The following PTPRD variants were observed in gnomAD, a reference collection of about 807,000 sequenced individuals.
PTPRD encodes protein tyrosine phosphatase receptor type D, also known as receptor-type tyrosine-protein phosphatase delta.
In PTPRD, 34 loss-of-function variants were observed where a neutral mutation model predicts 214.5. The observed-to-expected ratio is 0.16, with a 90% CI of 0.12 to 0.21. The LOEUF (loss-of-function observed/expected upper bound fraction) is 0.21. Among genes scored for constraint, PTPRD ranks in the 10% least tolerant of loss-of-function variants. PTPRD has a pLI of 1.00. For synonymous variants in PTPRD, 1,128 were observed against 845.7 expected, an observed-to-expected ratio of 1.33 and a Z score of -5.79; for missense variants, 2,545 against 2,398.7, an observed-to-expected ratio of 1.06 and a Z score of -1.27.
chr9:9,237,078 A>C (rs1181149022), intron 9 of PTPRD, among the ~76,000 whole-genome samples: 2 of 152,206 alleles, frequency 1.3e-5, no homozygotes, highest in South Asian at 4.1e-4. Flanking sequence ...CTCAGAAGGA[A>C]AAAGAAACAA....
intron 9 of PTPRD, among the ~76,000 whole-genome samples, chr9:9,393,228 G>A (rs1289668733): frequency 1.3e-5 from 2 of 151,924 alleles, no homozygotes; most frequent in Non-Finnish European, 2.9e-5. Context: ...ATGCCTCCAG[G>A]TATGCGTATA....
chr9:10,263,478 C>A (rs1340707622), intron 3 of PTPRD, among the ~76,000 whole-genome samples: 1 of 152,048 alleles, frequency 6.6e-6, no homozygotes, highest in Admixed American at 6.6e-5. Flanking sequence ...AGATGAGGAA[C>A]TTGTTGGGAA....
intron 3 of PTPRD, among the ~76,000 whole-genome samples, chr9:10,134,111 C>G (rs1294147341): frequency 6.6e-6 from 1 of 152,064 alleles, no homozygotes; most frequent in Non-Finnish European, 1.5e-5. Context: ...GCAACACTAC[C>G]CTGCCCAGAG....
At chr9:9,471,563 A>C (rs2094587373) in intron 8 of PTPRD, among the ~76,000 whole-genome samples, 1 of 152,152 alleles carries the variant, frequency 6.6e-6, no homozygotes, top group South Asian at 2.1e-4. Context: ...TAAAATAGAA[A>C]TGTCAAAATT....
chr9:9,324,122 C>T (rs1172436390), intron 9 of PTPRD, among the ~76,000 whole-genome samples: 1 of 152,132 alleles, frequency 6.6e-6, no homozygotes, highest in African/African-American at 2.4e-5. Flanking sequence ...CAAGTCTTTG[C>T]TATTGTGAAT....
intron 7 of PTPRD, among the ~76,000 whole-genome samples, chr9:9,700,333 T>A (rs1384909646): frequency 6.6e-6 from 1 of 152,114 alleles, no homozygotes; most frequent in Non-Finnish European, 1.5e-5. Context: ...GAGAAATAAG[T>A]ATTTTGAGTG....
At chr9:9,486,067 C>T (rs941681711) in intron 8 of PTPRD, among the ~76,000 whole-genome samples, 1 of 136,866 alleles carries the variant, frequency 7.3e-6, no homozygotes, top group African/African-American at 2.7e-5. Flanking sequence ...AGGAGAATAG[C>T]TTGAATCCAG....
chr9:9,770,253 CAT>C (rs1239897386), intron 5 of PTPRD, among the ~76,000 whole-genome samples: 4 of 152,210 alleles, frequency 2.6e-5, no homozygotes, highest in Admixed American at 2.0e-4. Context: ...TATTTCTCCA[CAT>C]ACTTTCCAGA....
chr9:9,926,617 AG>A (rs2084403421), intron 5 of PTPRD, among the ~76,000 whole-genome samples: 1 of 152,216 alleles, frequency 6.6e-6, no homozygotes, highest in Non-Finnish European at 1.5e-5. Flanking sequence ...GAGAAAGGGT[AG>A]AAATAAAAAT....
At chr9:9,664,781 G>A (rs1016321390) in intron 7 of PTPRD, among the ~76,000 whole-genome samples, 1 of 151,612 alleles carries the variant, frequency 6.6e-6, no homozygotes, top group Non-Finnish European at 1.5e-5. Context: ...CAGTGAATGA[G>A]TACTTTCTAC....
At chr9:9,132,999 T>C (rs2099845163) in intron 10 of PTPRD, among the ~76,000 whole-genome samples, 1 of 152,222 alleles carries the variant, frequency 6.6e-6, no homozygotes, top group Non-Finnish European at 1.5e-5. Flanking sequence ...TCTTTTTTCA[T>C]TTTTTAAGTT....
intron 7 of PTPRD, among the ~76,000 whole-genome samples, chr9:9,635,820 G>A (rs1202125510): frequency 2.0e-5 from 3 of 152,064 alleles, no homozygotes; most frequent in African/African-American, 4.8e-5. Flanking sequence ...CTAAATAAAT[G>A]TCATATCAAT....
At chr9:10,275,280 T>G (rs1436798821) in intron 3 of PTPRD, among the ~76,000 whole-genome samples, 1 of 152,172 alleles carries the variant, frequency 6.6e-6, no homozygotes, top group African/African-American at 2.4e-5. Context: ...ACTTGTTCTT[T>G]TCTTATTTAT....
chr9:8,930,540 G>A (rs564114093), intron 11 of PTPRD, among the ~76,000 whole-genome samples: 369 of 152,204 alleles, frequency 2.4e-3, no homozygotes, highest in South Asian at 0.013. Context: ...TCGCCACACT[G>A]TCTTCCACAA....
chr9:10,070,811 G>A (rs1365566794), intron 3 of PTPRD, among the ~76,000 whole-genome samples: 2 of 151,748 alleles, frequency 1.3e-5, no homozygotes, highest in Non-Finnish European at 2.9e-5. Flanking sequence ...ATATATTACA[G>A]TTAATTTCTA....
chr9:9,504,820 C>G (rs2096532729), intron 8 of PTPRD, among the ~76,000 whole-genome samples: 1 of 151,482 alleles, frequency 6.6e-6, no homozygotes, highest in Non-Finnish European at 1.5e-5. Flanking sequence ...GATTGAAAAT[C>G]AATATGCAAA....
intron 7 of PTPRD, among the ~76,000 whole-genome samples, chr9:9,655,788 G>A (rs554296369): frequency 6.6e-6 from 1 of 151,428 alleles, no homozygotes; most frequent in Non-Finnish European, 1.5e-5. Flanking sequence ...GACCAACCTG[G>A]CCAGTATGGT....
At chr9:8,828,392 C>G (rs1220226552) in intron 11 of PTPRD, among the ~76,000 whole-genome samples, 1 of 152,138 alleles carries the variant, frequency 6.6e-6, no homozygotes, top group Non-Finnish European at 1.5e-5. Flanking sequence ...TTCTCACTGC[C>G]ATGTGAGGAC....
At chr9:10,088,142 C>G (rs2098379739) in intron 3 of PTPRD, among the ~76,000 whole-genome samples, 1 of 151,742 alleles carries the variant, frequency 6.6e-6, no homozygotes, top group Admixed American at 6.6e-5. Flanking sequence ...TATTAGCAAA[C>G]TTGCTGTTAG....
Sources: gnomAD v4.1 joint callset for allele counts (sites outside exome capture counted in the v4.1 genomes callset) on GRCh38, gnomAD v4.1.1 for gene constraint, MANE v1.5 for transcripts, NCBI Gene and HGNC (gene_info 2026-07-23, HGNC 2026-07-21) for gene names.